Variants in YAP1 observed in about 807,000 individuals in gnomAD.
YAP1 encodes Yes1 associated transcriptional regulator, also known as transcriptional coactivator YAP1.
YAP1 carries 5 observed loss-of-function variants against 56.9 expected under a neutral mutation model. That is an observed-to-expected ratio of 0.09 (90% CI 0.05 to 0.18). YAP1 has a LOEUF of 0.18. Among genes scored for constraint, YAP1 ranks in the 10% least tolerant of loss-of-function variants. The pLI is 1.00. For missense variants in YAP1, 539 were observed against 651.8 expected, an observed-to-expected ratio of 0.83 and a Z score of 1.88; for synonymous variants, 265 against 248.1, an observed-to-expected ratio of 1.07 and a Z score of -0.64.
At position 102,231,258 on chromosome 11, in the gene YAP1, A is replaced by G. The variant is rs1415326450; in HGVS notation, c.*1318A>G. On this transcript the variant is annotated 3_prime_UTR_variant, in exon 9 of 9. Transcript: ENST00000282441. ...AATGTGCATGACAGAAATAAGCTTT[A>G]TAGTGGTTTACCTTCATTTAGCTTT... 1 of 152,222 alleles carries G rather than the reference A, an allele frequency of 6.6e-6. No individual in the cohort carries two copies. Among genetic ancestry groups the G allele is most frequent in the Non-Finnish European group, 1.5e-5 (1 of 68,036 alleles). The allele number at this position is 152,222 out of a possible 1,614,324, so 9.4% of individuals were successfully genotyped here.
intron 2 of YAP1, among the ~76,000 whole-genome samples, chr11:102,132,926 AG>A (rs1451840883): frequency 3.9e-5 from 6 of 152,170 alleles, no homozygotes; most frequent in African/African-American, 1.4e-4. Context: ...TGGGAGGCCG[AG>A]GCAGGAGATC....
At chr11:102,136,236 A>G (rs1027368218) in intron 2 of YAP1, among the ~76,000 whole-genome samples, 2 of 152,088 alleles carry the variant, frequency 1.3e-5, no homozygotes, top group African/African-American at 4.8e-5. Flanking sequence ...TTTCTAAAGC[A>G]CTTGCTCAAA....
chr11:102,181,000 T>C (rs1232618005), intron 3 of YAP1, among the ~76,000 whole-genome samples: 1 of 151,748 alleles, frequency 6.6e-6, no homozygotes, highest in Non-Finnish European at 1.5e-5. Flanking sequence ...ATTTAAAAAA[T>C]AGCTGAGCGT....
chr11:102,179,275 G>A (rs1947445904), intron 3 of YAP1, among the ~76,000 whole-genome samples: 1 of 152,106 alleles, frequency 6.6e-6, no homozygotes, highest in Admixed American at 6.6e-5. Flanking sequence ...GCCCAGCCTT[G>A]AAAAGCTTCC....
At chr11:102,162,649 A>T in intron 3 of YAP1, 78 bp downstream of exon 3, 1 of 1,360,796 alleles carries the variant, frequency 7.3e-7, no homozygotes, top group Admixed American at 1.7e-5. Context: ...AATAGTCATT[A>T]CTCGTTTACA....
intron 4 of YAP1, among the ~76,000 whole-genome samples, chr11:102,188,536 C>A (rs981101711): frequency 6.6e-6 from 1 of 152,186 alleles, no homozygotes; most frequent in Admixed American, 6.5e-5. Flanking sequence ...CATATACAGT[C>A]GTGGTCCTAT....
At chr11:102,125,410 A>G (rs1255303456) in intron 2 of YAP1, among the ~76,000 whole-genome samples, 1 of 109,572 alleles carries the variant, frequency 9.1e-6, no homozygotes, top group African/African-American at 3.7e-5. Context: ...AGAGCTTCGC[A>G]CTGTTGCCCA....
At chr11:102,189,062 C>G (rs1948139504) in intron 4 of YAP1, among the ~76,000 whole-genome samples, 1 of 151,350 alleles carries the variant, frequency 6.6e-6, no homozygotes. Flanking sequence ...AAAAATAGGG[C>G]TTTTTTTGTT....
At chr11:102,223,485 T>C (rs1950049684) in intron 6 of YAP1, 137 bp from the exon 7 acceptor site, 1 of 916,670 alleles carries the variant, frequency 1.1e-6, no homozygotes, top group Non-Finnish European at 1.6e-6. Context: ...TCATTCTGAT[T>C]GGGAAATGTA....
chr11:102,127,791 G>A (rs1444938218), intron 2 of YAP1, among the ~76,000 whole-genome samples: 1 of 152,220 alleles, frequency 6.6e-6, no homozygotes, highest in African/African-American at 2.4e-5. Context: ...GCAGCCAGAA[G>A]GGAGGCTGTA....
At chr11:102,113,901 G>A (rs1007579232) in intron 1 of YAP1, among the ~76,000 whole-genome samples, 2 of 151,734 alleles carry the variant, frequency 1.3e-5, no homozygotes, top group East Asian at 3.9e-4. Flanking sequence ...GTGGACCAGG[G>A]GAAATTCATT....
chr11:102,183,841 C>A (rs1428360285), intron 3 of YAP1, among the ~76,000 whole-genome samples: 1 of 151,780 alleles, frequency 6.6e-6, no homozygotes, highest in Non-Finnish European at 1.5e-5. Flanking sequence ...CTTTGGGAGG[C>A]CGAGGCGGGC....
intron 6 of YAP1, among the ~76,000 whole-genome samples, chr11:102,217,823 C>T (rs1397703269): frequency 6.6e-6 from 1 of 152,078 alleles, no homozygotes; most frequent in Admixed American, 6.6e-5. Context: ...CCAAGTCCTC[C>T]CGAGTAGCTT....
chr11:102,125,805 C>T (rs886743565), intron 2 of YAP1, among the ~76,000 whole-genome samples: 6 of 151,974 alleles, frequency 3.9e-5, no homozygotes, highest in Admixed American at 3.3e-4. Context: ...TATACTGTTT[C>T]TTTTTATATT....
intron 3 of YAP1, among the ~76,000 whole-genome samples, chr11:102,168,515 GATTT>G (rs1946729087): frequency 6.6e-6 from 1 of 152,216 alleles, no homozygotes; most frequent in East Asian, 1.9e-4. Flanking sequence ...AAATTGTTGG[GATTT>G]ATTTGACAGT....
intron 2 of YAP1, among the ~76,000 whole-genome samples, chr11:102,148,434 G>A (rs142869561): frequency 2.0e-5 from 3 of 152,256 alleles, no homozygotes. Context: ...AAAAACAAGA[G>A]CTATGACAAA....
chr11:102,159,070 G>A (rs1001853697), intron 2 of YAP1, among the ~76,000 whole-genome samples: 1 of 152,170 alleles, frequency 6.6e-6, no homozygotes, highest in African/African-American at 2.4e-5. Context: ...TGGTTATAGG[G>A]ATGAGATTTT....
At chr11:102,130,040 G>T (rs1339368440) in intron 2 of YAP1, among the ~76,000 whole-genome samples, 1 of 152,090 alleles carries the variant, frequency 6.6e-6, no homozygotes, top group African/African-American at 2.4e-5. Context: ...GCTTCCCAAA[G>T]TGCTGGGATT....
chr11:102,119,473 A>G (rs1478065635), intron 2 of YAP1, among the ~76,000 whole-genome samples: 2 of 152,126 alleles, frequency 1.3e-5, no homozygotes, highest in Non-Finnish European at 2.9e-5. Flanking sequence ...AAAGAATTCT[A>G]GAACTATCTC....
Sources: gnomAD v4.1 joint callset for allele counts (sites outside exome capture counted in the v4.1 genomes callset) on GRCh38, gnomAD v4.1.1 for gene constraint, MANE v1.5 for transcripts, NCBI Gene and HGNC (gene_info 2026-07-23, HGNC 2026-07-21) for gene names.